CLMP: variants seen among roughly 807,000 people sequenced by gnomAD.
CLMP encodes CXADR like cell adhesion molecule, also known as CXADR-like membrane protein.
CLMP carries 27 observed loss-of-function variants against 45.2 expected under a neutral mutation model. That is an observed-to-expected ratio of 0.60 (90% CI 0.44 to 0.82). The LOEUF is 0.82. CLMP is among the 40% of genes least tolerant of loss of function. CLMP has a pLI of 0.00. For synonymous variants in CLMP, 167 were observed against 171.4 expected, an observed-to-expected ratio of 0.97 and a Z score of 0.20; for missense variants, 403 against 448.4, an observed-to-expected ratio of 0.90 and a Z score of 0.91.
chr11:123,154,369 G>A (rs1337126586), intron 1 of CLMP, among the ~76,000 whole-genome samples: 2 of 152,206 alleles, frequency 1.3e-5, no homozygotes, highest in African/African-American at 4.8e-5. Context: ...CATTGGCTGG[G>A]GAGACAGCCC....
intron 1 of CLMP, among the ~76,000 whole-genome samples, chr11:123,158,013 C>T (rs1334070713): frequency 6.6e-6 from 1 of 152,144 alleles, no homozygotes; most frequent in Admixed American, 6.5e-5. Flanking sequence ...CTGCACAAAA[C>T]CCCCAGTTTC....
intron 6 of CLMP, 46 bp downstream of exon 6, chr11:123,074,656 G>C (rs780668201): frequency 6.3e-7 from 1 of 1,587,804 alleles, no homozygotes; most frequent in African/African-American, 1.3e-5. Context: ...TATAGTGCTG[G>C]CCCTAAAACA....
chr11:123,096,681 A>G (rs1239541195), intron 2 of CLMP, among the ~76,000 whole-genome samples: 2 of 152,230 alleles, frequency 1.3e-5, no homozygotes, highest in African/African-American at 4.8e-5. Context: ...AGCAAGTTAC[A>G]CTATAATAGT....
chr11:123,135,227 T>C (rs1228722372), intron 1 of CLMP, among the ~76,000 whole-genome samples: 4 of 142,226 alleles, frequency 2.8e-5, no homozygotes, highest in African/African-American at 1.1e-4. Flanking sequence ...GCCATTGCAC[T>C]CTAGCCTGGG....
At chr11:123,091,230 G>T (rs1180884307) in intron 2 of CLMP, among the ~76,000 whole-genome samples, 1 of 151,998 alleles carries the variant, frequency 6.6e-6, no homozygotes, top group Non-Finnish European at 1.5e-5. Context: ...TCAGCCTCCC[G>T]TGTAGCTGGG....
intron 1 of CLMP, among the ~76,000 whole-genome samples, chr11:123,133,641 G>T (rs1861024094): frequency 6.6e-6 from 1 of 152,020 alleles, no homozygotes; most frequent in Non-Finnish European, 1.5e-5. Context: ...ATGACACCTT[G>T]GCATATTGAG....
intron 1 of CLMP, among the ~76,000 whole-genome samples, chr11:123,175,612 C>T (rs933928743): frequency 6.6e-6 from 1 of 152,218 alleles, no homozygotes; most frequent in African/African-American, 2.4e-5. Flanking sequence ...TGTGAGTCAC[C>T]ACGCCCAGCT....
intron 2 of CLMP, among the ~76,000 whole-genome samples, chr11:123,091,971 C>T (rs754119849): frequency 6.6e-6 from 1 of 152,176 alleles, no homozygotes; most frequent in Non-Finnish European, 1.5e-5. Flanking sequence ...GTCCCCAAAC[C>T]TGATGTTTCT....
intron 6 of CLMP, among the ~76,000 whole-genome samples, chr11:123,074,032 C>T (rs1591446697): frequency 6.6e-6 from 1 of 152,170 alleles, no homozygotes; most frequent in South Asian, 2.1e-4. Context: ...AGACAGCACA[C>T]CTCCTGATTT....
At chr11:123,189,901 C>T (rs1285258657) in intron 1 of CLMP, among the ~76,000 whole-genome samples, 2 of 150,762 alleles carry the variant, frequency 1.3e-5, no homozygotes, top group East Asian at 2.0e-4. Context: ...ACTCAGGAGG[C>T]TGAGGCAGGA....
chr11:123,150,464 A>AAGG (rs1861302700), intron 1 of CLMP, among the ~76,000 whole-genome samples: 1 of 102,492 alleles, frequency 9.8e-6, no homozygotes, highest in Non-Finnish European at 2.1e-5. Flanking sequence ...AGAAAGAAAG[A>AAGG]AAGAAAGAAA....
intron 2 of CLMP, among the ~76,000 whole-genome samples, chr11:123,090,407 C>T (rs1275135610): frequency 1.3e-5 from 2 of 151,318 alleles, no homozygotes; most frequent in African/African-American, 4.9e-5. Flanking sequence ...GGCAACAGAG[C>T]GAGACTCTGT....
At chr11:123,102,581 G>GT (rs568403829) in intron 1 of CLMP, among the ~76,000 whole-genome samples, 5,343 of 121,440 alleles carry the variant, frequency 0.044, 159 homozygotes, top group East Asian at 0.2. Flanking sequence ...GCCCAGCCAG[G>GT]TTTTTTTTTT....
At chr11:123,175,605 G>A (rs922546629) in intron 1 of CLMP, among the ~76,000 whole-genome samples, 5 of 152,218 alleles carry the variant, frequency 3.3e-5, no homozygotes, top group African/African-American at 1.2e-4. Context: ...CTACAGGTGT[G>A]AGTCACCACG....
intron 1 of CLMP, among the ~76,000 whole-genome samples, chr11:123,118,929 TTTTCTTTCTTTC>T (rs1314714578): frequency 0.026 from 2,602 of 98,882 alleles, 124 homozygotes; most frequent in Non-Finnish European, 0.034. Context: ...TTTTCTTTTC[TTTTCTTTCTTTC>T]TTTCTTTCTT....
intron 1 of CLMP, among the ~76,000 whole-genome samples, chr11:123,176,581 T>G (rs573249297): frequency 6.6e-6 from 1 of 152,286 alleles, no homozygotes; most frequent in East Asian, 1.9e-4. Context: ...AACTATTCCC[T>G]CTCACTTTGA....
chr11:123,144,475 G>A (rs559749316), intron 1 of CLMP, among the ~76,000 whole-genome samples: 2 of 152,274 alleles, frequency 1.3e-5, no homozygotes, highest in Admixed American at 6.5e-5. Context: ...GGGTTCAAGC[G>A]ATTCTCCTGT....
chr11:123,158,095 G>A (rs542073058), intron 1 of CLMP, among the ~76,000 whole-genome samples: 2 of 152,100 alleles, frequency 1.3e-5, no homozygotes, highest in African/African-American at 2.4e-5. Flanking sequence ...CTCAAACTCC[G>A]ACACCCAGCA....
At chr11:123,073,915 C>T (rs1865704516) in intron 6 of CLMP, 141 bp from the exon 7 acceptor site, 10 of 789,104 alleles carry the variant, frequency 1.3e-5, no homozygotes. Flanking sequence ...TAGGTGCTTC[C>T]TCGTATCTTA....
Sources: allele counts gnomAD v4.1 joint callset (sites outside exome capture counted in the v4.1 genomes callset), GRCh38; gene constraint gnomAD v4.1.1; transcripts MANE v1.5; gene names NCBI Gene and HGNC (gene_info 2026-07-23, HGNC 2026-07-21).